The following FGF14 variants were observed in gnomAD, a reference collection of about 807,000 sequenced individuals.
The protein encoded by FGF14 is fibroblast growth factor homologous factor 4.
In FGF14, 5 loss-of-function variants were observed where a neutral mutation model predicts 25.5. That is an observed-to-expected ratio of 0.20 (90% CI 0.10 to 0.41). The LOEUF is 0.41. Among genes scored for constraint, FGF14 ranks in the 10% least tolerant of loss-of-function variants. The pLI, the probability that FGF14 is intolerant of heterozygous loss-of-function variation, is 1.00. For missense variants in FGF14, 222 were observed against 320.1 expected, an observed-to-expected ratio of 0.69 and a Z score of 2.34; for synonymous variants, 138 against 118.3, an observed-to-expected ratio of 1.17 and a Z score of -1.08.
chr13:101,939,226 C>T (rs1457247745), intron 1 of FGF14, among the ~76,000 whole-genome samples: 5 of 152,154 alleles, frequency 3.3e-5, no homozygotes, highest in Admixed American at 2.6e-4. Context: ...AACAATTGTT[C>T]AATACAATCT....
chr13:102,248,036 T>C (rs2051972783), intron 1 of FGF14, among the ~76,000 whole-genome samples: 1 of 151,996 alleles, frequency 6.6e-6, no homozygotes, highest in Non-Finnish European at 1.5e-5. Context: ...GGGAACTAAA[T>C]GACGAGAACA....
intron 1 of FGF14, among the ~76,000 whole-genome samples, chr13:102,274,718 A>C (rs1274565902): frequency 6.6e-6 from 1 of 152,070 alleles, no homozygotes. Context: ...ATACTAAAAG[A>C]AGCCATTGGC....
intron 1 of FGF14, among the ~76,000 whole-genome samples, chr13:102,088,042 A>G (rs2044006743): frequency 6.6e-6 from 1 of 152,210 alleles, no homozygotes. Context: ...CAGTTCTGTC[A>G]TTTAATATTC....
At chr13:101,741,675 C>A (rs1235448585) in intron 3 of FGF14, among the ~76,000 whole-genome samples, 1 of 151,122 alleles carries the variant, frequency 6.6e-6, no homozygotes, top group African/African-American at 2.4e-5. Context: ...TACTTCCCTG[C>A]CTTTTATTAT....
chr13:101,910,805 G>A (rs979362328), intron 1 of FGF14, among the ~76,000 whole-genome samples: 3 of 148,982 alleles, frequency 2.0e-5, no homozygotes, highest in African/African-American at 4.9e-5. Context: ...TTGCATTGAC[G>A]TCTCTGAAAT....
chr13:102,115,973 G>C lies in FGF14; in HGVS notation c.209-240677C>G, dbSNP rs535511210. Among the ~76,000 whole-genome samples, 3 of 152,212 alleles carry C rather than the reference G, an allele frequency of 2.0e-5. No homozygotes were observed. In the East Asian group the frequency reaches 5.8e-4, roughly 30 times the overall value. Reference sequence around the variant, plus strand: ...TAAAAATACAAAATTAGCCGGGCTTGGTGACGCATGCCTGTAATTCCAGCT... The same window carrying C: ...TAAAAATACAAAATTAGCCGGGCTTCGTGACGCATGCCTGTAATTCCAGCT... On this transcript the variant is annotated intron_variant, in intron 1 of 4. Transcript: ENST00000376131.
intron 1 of FGF14, among the ~76,000 whole-genome samples, chr13:102,135,360 G>A (rs1421307928): frequency 2.0e-5 from 3 of 152,098 alleles, no homozygotes; most frequent in African/African-American, 4.8e-5. Context: ...AGTCAATTAC[G>A]TGGAACAAAG....
chr13:101,826,743 C>G (rs548247816), intron 3 of FGF14, among the ~76,000 whole-genome samples: 1 of 151,848 alleles, frequency 6.6e-6, no homozygotes, highest in Non-Finnish European at 1.5e-5. Context: ...CTAAATTTAG[C>G]TTACATTTAA....
chr13:102,227,656 C>T (rs1454897000), intron 1 of FGF14, among the ~76,000 whole-genome samples: 1 of 152,130 alleles, frequency 6.6e-6, no homozygotes, highest in Non-Finnish European at 1.5e-5. Context: ...TAATACTTAT[C>T]TATTAATAAA....
chr13:102,095,387 T>C (rs1483375540), intron 1 of FGF14, among the ~76,000 whole-genome samples: 1 of 152,146 alleles, frequency 6.6e-6, no homozygotes, highest in Non-Finnish European at 1.5e-5. Flanking sequence ...AGATTCCTTT[T>C]GACTTCTTTT....
intron 3 of FGF14, among the ~76,000 whole-genome samples, chr13:101,794,212 G>A (rs1019517227): frequency 4.0e-5 from 6 of 151,344 alleles, no homozygotes; most frequent in Non-Finnish European, 8.8e-5. Context: ...TCTCTTTCCT[G>A]CCAGTAACTA....
At chr13:102,346,575 T>TAG (rs1222145026) in intron 1 of FGF14, among the ~76,000 whole-genome samples, 2 of 151,390 alleles carry the variant, frequency 1.3e-5, no homozygotes, top group South Asian at 4.2e-4. Context: ...TTTATATATA[T>TAG]AGAGAGAGAG....
intron 1 of FGF14, among the ~76,000 whole-genome samples, chr13:102,237,702 T>C (rs1011349065): frequency 4.6e-5 from 7 of 152,200 alleles, no homozygotes; most frequent in Admixed American, 3.3e-4. Flanking sequence ...AAAAACTGTC[T>C]TCAGCCTTTC....
intron 1 of FGF14, among the ~76,000 whole-genome samples, chr13:101,884,783 A>G (rs996827965): frequency 3.3e-5 from 5 of 152,022 alleles, no homozygotes; most frequent in African/African-American, 1.2e-4. Flanking sequence ...TAAACGGTGG[A>G]AATGTATTAT....
chr13:101,876,793 C>G (rs1200300807), intron 1 of FGF14, among the ~76,000 whole-genome samples: 1 of 152,064 alleles, frequency 6.6e-6, no homozygotes, highest in Non-Finnish European at 1.5e-5. Flanking sequence ...AAGATATGCA[C>G]TAGTGGAAAA....
intron 3 of FGF14, among the ~76,000 whole-genome samples, chr13:101,782,992 C>T (rs1023299975): frequency 6.6e-6 from 1 of 152,156 alleles, no homozygotes; most frequent in Non-Finnish European, 1.5e-5. Flanking sequence ...ACACTCCCAC[C>T]AACAGTGTAT....
At chr13:101,797,847 C>T (rs74121030) in intron 3 of FGF14, among the ~76,000 whole-genome samples, 1 of 150,210 alleles carries the variant, frequency 6.7e-6, no homozygotes, top group Non-Finnish European at 1.5e-5. Flanking sequence ...AAATTAGGAA[C>T]CTTCAAAAAA....
At chr13:102,057,623 T>C (rs577645519) in intron 1 of FGF14, among the ~76,000 whole-genome samples, 8 of 152,150 alleles carry the variant, frequency 5.3e-5, no homozygotes, top group Non-Finnish European at 1.2e-4. Flanking sequence ...GCAATAAATA[T>C]TTGTTGAGTA....
At chr13:102,223,148 A>G (rs999566881) in intron 1 of FGF14, among the ~76,000 whole-genome samples, 1 of 152,218 alleles carries the variant, frequency 6.6e-6, no homozygotes, top group African/African-American at 2.4e-5. Flanking sequence ...TGCTAAAGTC[A>G]CAAGTTCACA....
Sources: allele counts gnomAD v4.1 joint callset (sites outside exome capture counted in the v4.1 genomes callset), GRCh38; gene constraint gnomAD v4.1.1; transcripts MANE v1.5; gene names NCBI Gene and HGNC (gene_info 2026-07-23, HGNC 2026-07-21).